SDK1: variants seen among roughly 807,000 people sequenced by gnomAD.
SDK1 encodes the protein protein sidekick-1.
In SDK1, 157 loss-of-function variants were observed where a neutral mutation model predicts 245.5. The observed-to-expected ratio is 0.64, with a 90% CI of 0.56 to 0.73. The LOEUF (loss-of-function observed/expected upper bound fraction) is 0.73. Among genes scored for constraint, SDK1 ranks in the 30% least tolerant of loss-of-function variants. The probability of loss-of-function intolerance (pLI) is 0.00; values close to 1 mark genes in which losing one functional copy is unlikely to be tolerated. For missense variants in SDK1, 3,583 were observed against 3,002.3 expected, an observed-to-expected ratio of 1.19 and a Z score of -4.52; for synonymous variants, 1,647 against 1,278.5, an observed-to-expected ratio of 1.29 and a Z score of -6.15.
intron 4 of SDK1, among the ~76,000 whole-genome samples, chr7:3,768,456 T>C (rs1467741935): frequency 6.6e-6 from 1 of 152,218 alleles, no homozygotes; most frequent in Non-Finnish European, 1.5e-5. Context: ...GAGCATTTCA[T>C]TAAATAGACA....
chr7:4,166,414 A>T (rs1195332234), intron 32 of SDK1, among the ~76,000 whole-genome samples: 1 of 152,230 alleles, frequency 6.6e-6, no homozygotes, highest in Non-Finnish European at 1.5e-5. Context: ...AAGGAACGAA[A>T]CTAACTCTGG....
rs564455114 is a variant in SDK1, at chr7:3,578,183, C to T, written c.299-40897C>T. Among the ~76,000 whole-genome samples the T allele has an allele frequency of 2.6e-5, 4 of 152,030 alleles. 1 individual carries two copies. The highest frequency in any genetic ancestry group is 2.1e-4 in the South Asian group (1 of 4,816). ...AAAGAGAGGAATTTTACAGTTGGGC[C>T]GCCGGGGGTGACATCACATATCGGT... On this transcript the variant is annotated intron_variant, in intron 1 of 44. Transcript: ENST00000404826.
At position 4,091,214 on chromosome 7, in the gene SDK1, A is replaced by G. The variant is rs533285127; in HGVS notation, c.3324+11630A>G. Among the ~76,000 whole-genome samples the G allele has an allele frequency of 9.2e-5, 14 of 152,300 alleles. No individual in the cohort carries two copies. In the South Asian group the frequency reaches 2.3e-3, roughly 25 times the overall value. ...GTCAAGTCATACTTGTTATATGTCCAGCACATCAACTCTGCCTCACTTTTC... is the reference window on the plus strand; with the variant it reads ...GTCAAGTCATACTTGTTATATGTCCGGCACATCAACTCTGCCTCACTTTTC... On this transcript the variant is annotated intron_variant, in intron 22 of 44. Coordinates refer to ENST00000404826, the MANE Select transcript of SDK1 (RefSeq NM_152744.4).
chr7:3,905,597 G>T (rs1030764274), intron 5 of SDK1, among the ~76,000 whole-genome samples: 2 of 151,584 alleles, frequency 1.3e-5, no homozygotes, highest in Non-Finnish European at 2.9e-5. Flanking sequence ...TATGTTTCTT[G>T]TTTCTTTAGA....
At chr7:4,020,252 C>A (rs570849670) in intron 17 of SDK1, among the ~76,000 whole-genome samples, 1 of 152,040 alleles carries the variant, frequency 6.6e-6, no homozygotes, top group East Asian at 1.9e-4. Flanking sequence ...GGGTCAGGCA[C>A]GTGGCAGGCA....
intron 17 of SDK1, among the ~76,000 whole-genome samples, chr7:4,029,228 T>TTTTTTTTTTTTGTGTG (rs746967075): frequency 8.9e-6 from 1 of 112,088 alleles, no homozygotes; most frequent in African/African-American, 5.0e-5. Flanking sequence ...TTTTTTTTTT[T>TTTTTTTTTTTTGTGTG]TGTGAAGAAG....
chr7:3,841,431 A>T (rs1780154743), intron 5 of SDK1, among the ~76,000 whole-genome samples: 1 of 152,244 alleles, frequency 6.6e-6, no homozygotes, highest in Admixed American at 6.5e-5. Flanking sequence ...GCTTGGCAGC[A>T]CAGAACTGCG....
intron 40 of SDK1, among the ~76,000 whole-genome samples, chr7:4,226,222 G>A (rs1323222415): frequency 6.6e-6 from 1 of 152,180 alleles, no homozygotes; most frequent in African/African-American, 2.4e-5. Flanking sequence ...GCCCCGTTTT[G>A]TATTGGGAGG....
At chr7:3,505,763 G>T (rs1447401182) in intron 1 of SDK1, among the ~76,000 whole-genome samples, 1 of 152,084 alleles carries the variant, frequency 6.6e-6, no homozygotes, top group East Asian at 1.9e-4. Flanking sequence ...AAAACCTGTA[G>T]ATGTGGAGAA....
intron 44 of SDK1, among the ~76,000 whole-genome samples, chr7:4,260,675 G>A (rs1013838725): frequency 2.0e-5 from 3 of 149,700 alleles, no homozygotes; most frequent in Non-Finnish European, 4.4e-5. Context: ...TGTGTTCATC[G>A]TCACCTGATA....
chr7:3,562,429 T>C (rs778946971), intron 1 of SDK1, among the ~76,000 whole-genome samples: 2 of 152,204 alleles, frequency 1.3e-5, no homozygotes, highest in African/African-American at 4.8e-5. Context: ...GAGTTCTGAA[T>C]ACCATGTTAG....
Position 3,952,012 on chromosome 7 carries a change from G to T in SDK1, c.1150+92G>T, listed in dbSNP as rs1780871989. 3 of 1,228,014 alleles carry T rather than the reference G, an allele frequency of 2.4e-6. No homozygotes were observed. In the African/African-American group the frequency reaches 4.6e-5, roughly 19 times the overall value. The allele number at this position is 1,228,014 out of a possible 1,614,324, so 76.1% of individuals were successfully genotyped here. ...AGAAACAAAATAGCGTATTTCAGTGGCTTTATTTGTAACTCGGCAAATGAA... is the reference window on the plus strand; with the variant it reads ...AGAAACAAAATAGCGTATTTCAGTGTCTTTATTTGTAACTCGGCAAATGAA... On this transcript the variant is annotated intron_variant, in intron 7 of 44. Coordinates refer to ENST00000404826, the MANE Select transcript of SDK1 (RefSeq NM_152744.4).
At chr7:3,466,796 T>G (rs1354688383) in intron 1 of SDK1, among the ~76,000 whole-genome samples, 1 of 151,864 alleles carries the variant, frequency 6.6e-6, no homozygotes, top group Non-Finnish European at 1.5e-5. Flanking sequence ...AGAGTTAAAT[T>G]GAACACTGTA....
At chr7:3,545,728 C>G (rs1779203282) in intron 1 of SDK1, among the ~76,000 whole-genome samples, 1 of 152,214 alleles carries the variant, frequency 6.6e-6, no homozygotes, top group Non-Finnish European at 1.5e-5. Flanking sequence ...TCTGTAGAAG[C>G]AGCTAAAGCA....
At chr7:3,684,850 C>G (rs1206721717) in intron 4 of SDK1, among the ~76,000 whole-genome samples, 3 of 151,936 alleles carry the variant, frequency 2.0e-5, no homozygotes, top group Non-Finnish European at 2.9e-5. Flanking sequence ...AAATAAAATA[C>G]TCATTAGATG....
intron 40 of SDK1, among the ~76,000 whole-genome samples, chr7:4,231,372 T>A (rs1193147888): frequency 6.7e-6 from 1 of 149,648 alleles, no homozygotes; most frequent in African/African-American, 2.5e-5. Flanking sequence ...GAGCCCAGCC[T>A]GGGCAACACA....
chr7:3,678,625 G>C (rs1421834189), intron 4 of SDK1, among the ~76,000 whole-genome samples: 1 of 152,196 alleles, frequency 6.6e-6, no homozygotes. Flanking sequence ...ATGGCCCTGG[G>C]GGGAGGGAGA....
In SDK1 at chr7:4,042,496, G is replaced by A. The variant is rs933371805; in HGVS notation, c.2603-6852G>A. Among the ~76,000 whole-genome samples, 3 of 136,348 alleles carry A rather than the reference G, an allele frequency of 2.2e-5. 1 individual carries two copies. The highest frequency in any genetic ancestry group is 2.2e-4 in the South Asian group (1 of 4,450). 89.4% of individuals were successfully genotyped at this position (136,348 alleles called of 152,430 possible). On this transcript the variant is annotated intron_variant, in intron 17 of 44. Coordinates refer to ENST00000404826, the MANE Select transcript of SDK1 (RefSeq NM_152744.4). Reference sequence around the variant, plus strand: ...AGCCAGCTCAGCCAGGTGCCTGCGTGGGGGGAATTATCCAGTGAAAAGATA... The same window carrying A: ...AGCCAGCTCAGCCAGGTGCCTGCGTAGGGGGAATTATCCAGTGAAAAGATA...
chr7:3,992,505 T>G (rs1002549847), intron 14 of SDK1, among the ~76,000 whole-genome samples: 1 of 152,112 alleles, frequency 6.6e-6, no homozygotes, highest in Non-Finnish European at 1.5e-5. Context: ...GCCTGGGGGA[T>G]CCCTGCATTG....
Sources: allele counts gnomAD v4.1 joint callset (sites outside exome capture counted in the v4.1 genomes callset), GRCh38; gene constraint gnomAD v4.1.1; transcripts MANE v1.5; gene names NCBI Gene and HGNC (gene_info 2026-07-23, HGNC 2026-07-21).